NAALADL2: variants seen among roughly 807,000 people sequenced by gnomAD.
The protein encoded by NAALADL2 is N-acetylated alpha-linked acidic dipeptidase like 2.
A neutral mutation model predicts 87.2 loss-of-function variants in NAALADL2; 76 were observed. That is an observed-to-expected ratio of 0.87 (90% confidence interval 0.72 to 1.05). NAALADL2 has a LOEUF of 1.05. Ranked by LOEUF, NAALADL2 falls within the 50% of genes least tolerant of loss-of-function variation. The probability of loss-of-function intolerance (pLI) is 0.00; values close to 1 mark genes in which losing one functional copy is unlikely to be tolerated. For synonymous variants in NAALADL2, 354 were observed against 331.0 expected (o/e 1.07, Z -0.75); for missense variants, 1,089 against 945.8 (o/e 1.15, Z -1.99).
At chr3:175,276,608 A>G (rs1199175140) in intron 4 of NAALADL2, among the ~76,000 whole-genome samples, 1 of 152,052 alleles carries the variant, frequency 6.6e-6, no homozygotes, top group Non-Finnish European at 1.5e-5. Flanking sequence ...CAGCCTGCAA[A>G]TGTATTTCTA....
chr3:175,218,040 G>A (rs1742817423), intron 2 of NAALADL2: 1 of 419,000 alleles, frequency 2.4e-6, no homozygotes, highest in Non-Finnish European at 4.7e-6. Context: ...AAGTATTGCA[G>A]TGAATTTCAA....
intron 5 of NAALADL2, among the ~76,000 whole-genome samples, chr3:175,406,046 A>G (rs1415164678): frequency 6.6e-6 from 1 of 152,202 alleles, no homozygotes; most frequent in Non-Finnish European, 1.5e-5. Flanking sequence ...GCTTACCCTC[A>G]TGGAGTTTAT....
At chr3:175,209,016 CTTCTA>C (rs762740001) in intron 2 of NAALADL2, among the ~76,000 whole-genome samples, 27 of 152,212 alleles carry the variant, frequency 1.8e-4, no homozygotes, top group Non-Finnish European at 3.4e-4. Flanking sequence ...TACAAAGGAA[CTTCTA>C]TTCTGACATT....
At chr3:175,290,305 T>C (rs1314055716) in intron 4 of NAALADL2, among the ~76,000 whole-genome samples, 1 of 152,200 alleles carries the variant, frequency 6.6e-6, no homozygotes, top group African/African-American at 2.4e-5. Context: ...TTTGTAGATA[T>C]TCATACAATG....
Position 175,142,589 on chromosome 3 carries a change from C to T in NAALADL2, c.545+45298C>T, listed in dbSNP as rs557540709. ...CATCTACAGCCCATCCTATTCCCAA[C>T]CGTCCTCTATTACTGCACTTTTTTT... On this transcript the variant is annotated intron_variant, in intron 2 of 13. Transcript: ENST00000454872. 2.4e-4 allele frequency among the ~76,000 whole-genome samples: 36 copies of T among 151,338 alleles called. No homozygotes were observed. The South Asian group carries it at 6.4e-3, about 27-fold the overall frequency.
intron 11 of NAALADL2, among the ~76,000 whole-genome samples, chr3:175,731,519 C>T (rs1453556009): frequency 6.6e-6 from 1 of 152,046 alleles, no homozygotes; most frequent in African/African-American, 2.4e-5. Flanking sequence ...AAGAATGAGG[C>T]CTCATATGAA....
At chr3:175,425,349 T>C (rs968785079) in intron 5 of NAALADL2, among the ~76,000 whole-genome samples, 2 of 152,186 alleles carry the variant, frequency 1.3e-5, no homozygotes, top group African/African-American at 4.8e-5. Flanking sequence ...GTTAACCTTA[T>C]GCCCTTTCTA....
chr3:175,370,071 C>T (rs1358571316), intron 5 of NAALADL2, among the ~76,000 whole-genome samples: 1 of 152,062 alleles, frequency 6.6e-6, no homozygotes, highest in African/African-American at 2.4e-5. Context: ...CATGTTGCCA[C>T]TGGACAAAGT....
At chr3:175,473,593 T>G (rs1017227070) in intron 9 of NAALADL2, among the ~76,000 whole-genome samples, 1 of 151,698 alleles carries the variant, frequency 6.6e-6, no homozygotes, top group Non-Finnish European at 1.5e-5. Context: ...TACAAAAATT[T>G]AATATCACAT....
At chr3:175,665,489 A>G (rs1348533857) in intron 11 of NAALADL2, among the ~76,000 whole-genome samples, 1 of 152,208 alleles carries the variant, frequency 6.6e-6, no homozygotes, top group Non-Finnish European at 1.5e-5. Flanking sequence ...GTGAGTTGCA[A>G]ATATAAATCT....
intron 4 of NAALADL2, among the ~76,000 whole-genome samples, chr3:175,287,327 A>T (rs550465418): frequency 6.6e-6 from 1 of 152,324 alleles, no homozygotes; most frequent in Admixed American, 6.5e-5. Context: ...ATGTGCAAAA[A>T]TAATATAATT....
chr3:174,765,143 C>CACGA (rs150906568), intron 3 of NAALADL2, among the ~76,000 whole-genome samples: 40 of 124,634 alleles, frequency 3.2e-4, no homozygotes, highest in South Asian at 9.6e-4. Flanking sequence ...CACACACACA[C>CACGA]GAGAGAGAGA....
chr3:175,310,111 G>T (rs78428312), intron 4 of NAALADL2, among the ~76,000 whole-genome samples: 13,317 of 152,114 alleles, frequency 0.088, 713 homozygotes, highest in East Asian at 0.18. Flanking sequence ...TTTCCAAAGT[G>T]ATTTGACATA....
chr3:174,808,649 TAC>T (rs1185832789), intron 3 of NAALADL2, among the ~76,000 whole-genome samples: 29 of 152,204 alleles, frequency 1.9e-4, no homozygotes, highest in Admixed American at 1.8e-3. Context: ...TTTATCATTA[TAC>T]ATTTTTACTT....
chr3:175,636,234 T>C (rs950614280), intron 11 of NAALADL2, among the ~76,000 whole-genome samples: 2 of 152,066 alleles, frequency 1.3e-5, no homozygotes, highest in East Asian at 1.9e-4. Flanking sequence ...GCTCTCTTGG[T>C]AGACCTCTGC....
chr3:174,629,061 C>T (rs1721866748), intron 2 of NAALADL2, among the ~76,000 whole-genome samples: 1 of 152,074 alleles, frequency 6.6e-6, no homozygotes, highest in Non-Finnish European at 1.5e-5. Context: ...TAAATGAAAC[C>T]CTCAAAAGTC....
chr3:174,904,871 A>AT (rs35310691), intron 1 of NAALADL2, among the ~76,000 whole-genome samples: 5 of 151,338 alleles, frequency 3.3e-5, no homozygotes, highest in South Asian at 2.1e-4. Flanking sequence ...ATTATTAAGC[A>AT]TTTTTTTTCT....
At position 174,831,210 on chromosome 3, in the gene NAALADL2, C is replaced by T. The variant is rs1482507905; in HGVS notation, c.-9+93464C>T. Among the ~76,000 whole-genome samples the T allele has an allele frequency of 1.1e-3, 169 of 151,818 alleles. 2 individuals carry two copies. In the Middle Eastern group the frequency reaches 0.014, roughly 12 times the overall value. On this transcript the variant is annotated intron_variant, in intron 3 of 3. Coordinates refer to the NAALADL2 transcript ENST00000434257. The stretch of plus-strand genomic sequence containing the variant: ...CAGTTTTCAAAGGGAATGCTTCCAG[C>T]TTTTGCCCATTCAGTATGATATTGG...
chr3:174,679,772 AAAT>A, intron 2 of NAALADL2, among the ~76,000 whole-genome samples: 2 of 152,354 alleles, frequency 1.3e-5, no homozygotes, highest in African/African-American at 4.8e-5. Flanking sequence ...TTAAAAATTA[AAAT>A]AATATATTGC....
Sources: gnomAD v4.1 joint callset for allele counts (sites outside exome capture counted in the v4.1 genomes callset) on GRCh38, gnomAD v4.1.1 for gene constraint, MANE v1.5 for transcripts, NCBI Gene and HGNC (gene_info 2026-07-23, HGNC 2026-07-21) for gene names.